Variants in PDE3A observed in about 807,000 individuals in gnomAD.
PDE3A encodes cGMP-inhibited 3',5'-cyclic phosphodiesterase 3A.
A neutral mutation model predicts 98.3 loss-of-function variants in PDE3A; 43 were observed. The ratio of observed to expected loss-of-function variants is 0.44; its 90% confidence interval spans 0.34 to 0.56. The LOEUF (loss-of-function observed/expected upper bound fraction) is 0.56, where lower values mean the gene tolerates loss of function less well. Ranked by LOEUF, PDE3A falls within the 20% of genes least tolerant of loss-of-function variation. The probability of loss-of-function intolerance (pLI) is 0.01; values close to 1 mark genes in which losing one functional copy is unlikely to be tolerated. For synonymous variants in PDE3A, 663 were observed against 567.9 expected, an observed-to-expected ratio of 1.17 and a Z score of -2.38; for missense variants, 1,427 against 1,440.7, an observed-to-expected ratio of 0.99 and a Z score of 0.15.
intron 3 of PDE3A, among the ~76,000 whole-genome samples, chr12:20,615,016 C>CTTTTTTTTTTTTTTTTTTTTTTTTTTTTT: frequency 1.7e-5 from 1 of 59,122 alleles, no homozygotes; most frequent in Non-Finnish European, 3.1e-5. Context: ...TTCTCTCTTT[C>CTTTTTTTTTTTTTTTTTTTTTTTTTTTTT]TTTTTTTTTT....
intron 1 of PDE3A, among the ~76,000 whole-genome samples, chr12:20,386,949 A>T (rs1030383113): frequency 7.3e-5 from 11 of 151,222 alleles, no homozygotes; most frequent in Non-Finnish European, 4.4e-5. Flanking sequence ...TAATTTTTGT[A>T]TAAGTTATAA....
chr12:20,628,740 C>A (rs1944318247), intron 5 of PDE3A, among the ~76,000 whole-genome samples: 2 of 152,132 alleles, frequency 1.3e-5, no homozygotes, highest in Non-Finnish European at 2.9e-5. Context: ...ACAACAACAA[C>A]GACAAAAAGA....
intron 1 of PDE3A, among the ~76,000 whole-genome samples, chr12:20,532,708 A>C: frequency 1.2e-5 from 1 of 83,878 alleles, no homozygotes; most frequent in East Asian, 3.6e-4. Context: ...TTTTTTTTTG[A>C]GACGGAGTCT....
At chr12:20,488,495 C>A (rs1307186363) in intron 1 of PDE3A, among the ~76,000 whole-genome samples, 1 of 152,008 alleles carries the variant, frequency 6.6e-6, no homozygotes, top group African/African-American at 2.4e-5. Context: ...TTTAAGTGAA[C>A]AAGCTTTTAA....
rs917244271 is a variant in PDE3A at position 20,664,456 on chromosome 12, CA to C, written c.3184+10252del. On this transcript the variant is annotated intron_variant, in intron 15 of 15. Coordinates refer to ENST00000359062, the MANE Select transcript of PDE3A (RefSeq NM_000921.5). ...CTACTCAGAGGTCTTCCAGACACTTCATGTTCAGAATACCTCTATTCATTTT... is the reference window on the plus strand; with the variant it reads ...CTACTCAGAGGTCTTCCAGACACTTCTGTTCAGAATACCTCTATTCATTTT... Among the ~76,000 whole-genome samples the C allele has an allele frequency of 4.6e-5, 7 of 152,278 alleles. No homozygotes were observed. The East Asian group carries it at 1.2e-3, about 25-fold the overall frequency.
Position 20,686,977 on chromosome 12 carries a change from C to T in PDE3A, c.*6706C>T, listed in dbSNP as rs1417202480. ...TGAAATGACTTGTGGATACACTGTT[C>T]AACCATGACTTCCTTTATGACAAGG... On this transcript the variant is annotated 3_prime_UTR_variant, in exon 16 of 16. Transcript: ENST00000359062. Among the ~76,000 whole-genome samples, 3 of 152,064 alleles carry T rather than the reference C, an allele frequency of 2.0e-5. No homozygotes were observed. Among genetic ancestry groups the T allele is most frequent in the Non-Finnish European group, 4.4e-5 (3 of 67,960 alleles).
intron 2 of PDE3A, among the ~76,000 whole-genome samples, chr12:20,592,209 C>CCTAA (rs1421710192): frequency 1.3e-5 from 2 of 151,850 alleles, no homozygotes; most frequent in Non-Finnish European, 2.9e-5. Flanking sequence ...ACCCTTCAAA[C>CCTAA]CTAAGGAAGA....
chr12:20,449,628 T>C (rs12320713), intron 1 of PDE3A: 19,275 of 396,928 alleles, frequency 0.049, 570 homozygotes, highest in Middle Eastern at 0.08. Flanking sequence ...GAGCCAATTG[T>C]GGCAGATTTT....
chr12:20,592,338 C>G (rs1010720748), intron 2 of PDE3A, among the ~76,000 whole-genome samples: 7 of 152,074 alleles, frequency 4.6e-5, no homozygotes, highest in African/African-American at 1.7e-4. Flanking sequence ...TCAGAATTAC[C>G]TTTCTTTAAA....
intron 5 of PDE3A, among the ~76,000 whole-genome samples, chr12:20,625,625 C>A (rs1944244218): frequency 6.6e-6 from 1 of 152,000 alleles, no homozygotes; most frequent in South Asian, 2.1e-4. Flanking sequence ...TTTTTTGTTC[C>A]ATTAAAATTA....
intron 2 of PDE3A, among the ~76,000 whole-genome samples, chr12:20,612,891 CCAA>C (rs893428233): frequency 1.3e-5 from 2 of 151,648 alleles, no homozygotes; most frequent in African/African-American, 4.8e-5. Flanking sequence ...TCTATTCCAA[CCAA>C]CAACAGGAAG....
chr12:20,498,745 A>G (rs1420417380), intron 1 of PDE3A, among the ~76,000 whole-genome samples: 3 of 152,194 alleles, frequency 2.0e-5, no homozygotes. Context: ...GGTAGAACCT[A>G]TCTCTTACTG....
intron 15 of PDE3A, among the ~76,000 whole-genome samples, chr12:20,666,318 A>G (rs148262781): frequency 6.6e-6 from 1 of 152,302 alleles, no homozygotes; most frequent in African/African-American, 2.4e-5. Flanking sequence ...ATTTTAAAGT[A>G]TGCAATACAT....
chr12:20,512,755 C>A (rs559012632), intron 1 of PDE3A, among the ~76,000 whole-genome samples: 3 of 152,032 alleles, frequency 2.0e-5, no homozygotes, highest in Non-Finnish European at 2.9e-5. Flanking sequence ...AACTTCGTTA[C>A]GTTAGATAGT....
In PDE3A at chr12:20,616,333, T is replaced by G; in HGVS notation, c.1373T>G (p.Val458Gly). The G allele has an allele frequency of 6.2e-7, 1 of 1,613,968 alleles. No individual in the cohort carries two copies. The highest frequency in any genetic ancestry group is 8.5e-7 in the Non-Finnish European group (1 of 1,179,920). Reference protein sequence around the residue: ...TGLPTLEPAPVRRDRSTSIKL... With the variant: ...TGLPTLEPAPGRRDRSTSIKL... ...CTACCCACCTTGGAGCCTGCACCAGTACGGAGAGACCGCAGCACCAGCATC... is the reference window on the plus strand; with the variant it reads ...CTACCCACCTTGGAGCCTGCACCAGGACGGAGAGACCGCAGCACCAGCATC... The change falls in exon 4 of 16, where the codon GTA (valine) becomes GGA (glycine). Residue 458 changes from valine to glycine, a missense_variant. Val to Gly is a moderately radical substitution (Grantham distance 109). Around this residue, in one of 3 missense-constraint regions of PDE3A, gnomAD observed 1,012 missense variants for 886.5 expected, o/e 1.14. Coordinates refer to ENST00000359062, the MANE Select transcript of PDE3A (RefSeq NM_000921.5).
chr12:20,422,011 CT>C (rs1241935459), intron 1 of PDE3A, among the ~76,000 whole-genome samples: 1 of 152,172 alleles, frequency 6.6e-6, no homozygotes, highest in Non-Finnish European at 1.5e-5. Flanking sequence ...CTCAACTTCA[CT>C]TGCGTTTTTG....
rs115794806 is a variant in PDE3A at position 20,526,805 on chromosome 12, A to G, written c.961-29855A>G. On this transcript the variant is annotated intron_variant, in intron 1 of 15. Transcript: ENST00000359062. Reference sequence around the variant, plus strand: ...ATATAGTGTTTGTAATTGATGATGTAGCCAACTCCTTTATTGAAGTAAACT... The same window carrying G: ...ATATAGTGTTTGTAATTGATGATGTGGCCAACTCCTTTATTGAAGTAAACT... 6.6e-3 allele frequency among the ~76,000 whole-genome samples: 1,002 copies of G among 151,658 alleles called. 13 individuals are homozygous for G. Among genetic ancestry groups the G allele is most frequent in the African/African-American group, 0.023 (934 of 41,300 alleles).
intron 1 of PDE3A, chr12:20,449,928 G>T: frequency 3.7e-6 from 3 of 806,428 alleles, no homozygotes; most frequent in Non-Finnish European, 5.8e-6. Context: ...CTGCTGGAAA[G>T]TTGATTTCGA....
At chr12:20,474,761 C>T (rs1945498961) in intron 1 of PDE3A, among the ~76,000 whole-genome samples, 1 of 152,122 alleles carries the variant, frequency 6.6e-6, no homozygotes, top group African/African-American at 2.4e-5. Context: ...GTTTCCTCTG[C>T]TTCTTTCTTC....
Sources: gnomAD v4.1 joint callset for allele counts (sites outside exome capture counted in the v4.1 genomes callset) on GRCh38, gnomAD v4.1.1 for gene constraint, gnomAD v4.1.1 regional missense constraint, MANE v1.5 for transcripts, NCBI Gene and HGNC (gene_info 2026-07-23, HGNC 2026-07-21) for gene names.